SASH1: variants seen among roughly 807,000 people sequenced by gnomAD.
The protein encoded by SASH1 is SAM and SH3 domain-containing protein 1.
SASH1 carries 44 observed loss-of-function variants against 125.2 expected under a neutral mutation model. The observed-to-expected ratio is 0.35, with a 90% CI of 0.28 to 0.45. The LOEUF is 0.45. Ranked by LOEUF, SASH1 falls within the 20% of genes least tolerant of loss-of-function variation. The probability of loss-of-function intolerance (pLI) is 1.00; values close to 1 mark genes in which losing one functional copy is unlikely to be tolerated. For synonymous variants in SASH1, 639 were observed against 649.1 expected (o/e 0.98, Z 0.24); for missense variants, 1,426 against 1,614.5 (o/e 0.88, Z 2.00).
At position 148,471,474 on chromosome 6, in the gene SASH1, A is replaced by G. The variant is rs1224505251; in HGVS notation, c.485A>G (p.Gln162Arg). Residue 162 changes from glutamine to arginine, a missense_variant, in exon 6 of 20, where the codon CAG becomes CGG. Transcript: ENST00000367467. The stretch of plus-strand genomic sequence containing the variant: ...TTCTGGCAGAACTTCCGAAAGAACC[A>G]GAAAGGAATAATGAGACAGACTTCA... ...KYFWQNFRKN[Q>R]KGIMRQTSKG... The G allele has an allele frequency of 6.2e-7, 1 of 1,601,204 alleles. No individual in the cohort carries two copies. The highest frequency in any genetic ancestry group is 2.2e-5 in the East Asian group (1 of 44,686).
chr6:148,320,957 T>C (rs1213716077), intron 1 of SASH1, among the ~76,000 whole-genome samples: 1 of 152,254 alleles, frequency 6.6e-6, no homozygotes, highest in East Asian at 1.9e-4. Flanking sequence ...AGATGAAGCC[T>C]CTTACAAGAA....
the SASH1 span, among the ~76,000 whole-genome samples, chr6:148,237,247 T>G: frequency 2.0e-5 from 3 of 152,102 alleles, no homozygotes; most frequent in Admixed American, 6.5e-5. Flanking sequence ...TACCAATGAA[T>G]GGCTCATCTA....
chr6:148,232,608 G>A, the SASH1 span, among the ~76,000 whole-genome samples: 1 of 152,202 alleles, frequency 6.6e-6, no homozygotes, highest in African/African-American at 2.4e-5. Context: ...ATTAAGATGT[G>A]GGACAGAGCC....
At chr6:148,331,564 C>T (rs544737346) in intron 1 of SASH1, among the ~76,000 whole-genome samples, 3 of 152,128 alleles carry the variant, frequency 2.0e-5, no homozygotes, top group South Asian at 2.1e-4. Context: ...CTCCTGACCT[C>T]GTGATCCGCC....
At chr6:148,345,699 A>G (rs575298235) in intron 1 of SASH1, among the ~76,000 whole-genome samples, 1 of 152,230 alleles carries the variant, frequency 6.6e-6, no homozygotes, top group Non-Finnish European at 1.5e-5. Flanking sequence ...GAAACAAGAG[A>G]CACCATTTCC....
the SASH1 span, among the ~76,000 whole-genome samples, chr6:148,201,237 C>A: frequency 1.3e-5 from 2 of 152,192 alleles, no homozygotes; most frequent in Admixed American, 6.5e-5. Context: ...TTAGCATGTG[C>A]TAGAAACTGT....
chr6:148,542,179 A>G (rs761000749), intron 17 of SASH1, among the ~76,000 whole-genome samples: 11 of 152,348 alleles, frequency 7.2e-5, no homozygotes, highest in Non-Finnish European at 1.0e-4. Flanking sequence ...TTTGAACTCA[A>G]AGTAAGTTCA....
chr6:148,328,709 A>G (rs1042516737), intron 1 of SASH1, among the ~76,000 whole-genome samples: 16 of 152,198 alleles, frequency 1.1e-4, no homozygotes, highest in African/African-American at 3.9e-4. Flanking sequence ...AAACCACCAT[A>G]AATTGTGATT....
chr6:148,325,850 T>C (rs1780781639), intron 1 of SASH1, among the ~76,000 whole-genome samples: 1 of 152,036 alleles, frequency 6.6e-6, no homozygotes, highest in Admixed American at 6.6e-5. Flanking sequence ...CCACAGTATT[T>C]GCCCCGATGC....
chr6:148,417,348 A>C (rs1312330648), intron 2 of SASH1, among the ~76,000 whole-genome samples: 1 of 152,080 alleles, frequency 6.6e-6, no homozygotes, highest in East Asian at 1.9e-4. Context: ...GCGCTTTGGG[A>C]GGGTGAAGCG....
intron 1 of SASH1, among the ~76,000 whole-genome samples, chr6:148,287,682 C>T (rs761557000): frequency 1.0e-4 from 8 of 76,878 alleles, no homozygotes; most frequent in South Asian, 4.2e-4. Context: ...GTAATCAGTG[C>T]GTGCGTGTGT....
intron 2 of SASH1, among the ~76,000 whole-genome samples, chr6:148,415,412 G>A (rs1334830856): frequency 6.6e-6 from 1 of 152,126 alleles, no homozygotes; most frequent in Non-Finnish European, 1.5e-5. Context: ...CCTGGGTTAT[G>A]TCACACATCT....
chr6:148,487,527 T>C lies in SASH1; in HGVS notation c.628-87T>C, dbSNP rs923884321. On this transcript the variant is annotated intron_variant, in intron 7 of 19. Transcript: ENST00000367467. ...CAAGATTATGAACCAGGAACCTAGA[T>C]GTATTATTTGAGTCATTTCCCTGTA... The C allele has an allele frequency of 4.3e-5, 39 of 905,824 alleles. 1 individual carries two copies. Among genetic ancestry groups the C allele is most frequent in the African/African-American group, 4.2e-4 (25 of 59,962 alleles). The allele number at this position is 905,824 out of a possible 1,614,324, so 56.1% of individuals were successfully genotyped here.
chr6:148,486,903 C>T lies in SASH1; in HGVS notation c.628-711C>T, dbSNP rs1428922179. ...CACCACTGCATTGTAGCCTGGGTGA[C>T]AGAGTAGAGACCCTGTCTCAACAAC... On this transcript the variant is annotated intron_variant, in intron 7 of 19. Coordinates refer to ENST00000367467, the MANE Select transcript of SASH1 (RefSeq NM_015278.5). Among the ~76,000 whole-genome samples the T allele has an allele frequency of 6.7e-5, 8 of 119,876 alleles. No individual in the cohort carries two copies. In the East Asian group the frequency reaches 1.8e-3, roughly 27 times the overall value. 78.6% of individuals were successfully genotyped at this position (119,876 alleles called of 152,430 possible). A position where few individuals can be genotyped will look rare whatever the true frequency, so the allele number is the denominator to read the frequency against.
chr6:148,205,725 C>T, the SASH1 span, among the ~76,000 whole-genome samples: 1 of 152,152 alleles, frequency 6.6e-6, no homozygotes, highest in African/African-American at 2.4e-5. Flanking sequence ...GAGACTAATC[C>T]AACTATCCTA....
chr6:148,259,749 T>C, the SASH1 span, among the ~76,000 whole-genome samples: 2 of 152,230 alleles, frequency 1.3e-5, 1 homozygote, highest in South Asian at 4.1e-4. Flanking sequence ...AGAAGACTTT[T>C]GGATCCCGCA....
chr6:148,311,157 A>G (rs1452698429), intron 1 of SASH1, among the ~76,000 whole-genome samples: 4 of 148,800 alleles, frequency 2.7e-5, no homozygotes, highest in African/African-American at 5.0e-5. Flanking sequence ...CCCGGGCTGG[A>G]GAGCAGTGGC....
chr6:148,458,133 G>A (rs1777448571), intron 4 of SASH1, among the ~76,000 whole-genome samples: 5 of 152,168 alleles, frequency 3.3e-5, no homozygotes, highest in Admixed American at 3.3e-4. Context: ...TTGAGCAGCT[G>A]CTCAGGGAAT....
At chr6:148,233,742 C>CAGAAAA in the SASH1 span, among the ~76,000 whole-genome samples, 1 of 60,534 alleles carries the variant, frequency 1.7e-5, no homozygotes, top group African/African-American at 8.1e-5. Flanking sequence ...TTCCTCTCTA[C>CAGAAAA]AAAAAAAAAA....
Sources: allele counts gnomAD v4.1 joint callset (sites outside exome capture counted in the v4.1 genomes callset), GRCh38; gene constraint gnomAD v4.1.1; transcripts MANE v1.5; gene names NCBI Gene and HGNC (gene_info 2026-07-23, HGNC 2026-07-21).